The following BCOR variants were observed in gnomAD, a reference collection of about 807,000 sequenced individuals.
BCOR encodes the protein BCL6 corepressor.
In BCOR, 10 loss-of-function variants were observed where a neutral mutation model predicts 86.7. The observed-to-expected ratio is 0.12, with a 90% CI of 0.07 to 0.20. The LOEUF (loss-of-function observed/expected upper bound fraction) is 0.20, where lower values mean the gene tolerates loss of function less well. Among genes scored for constraint, BCOR ranks in the 10% least tolerant of loss-of-function variants. The pLI, the probability that BCOR is intolerant of heterozygous loss-of-function variation, is 1.00. For synonymous variants in BCOR, 611 were observed against 609.0 expected (o/e 1.00, Z -0.05); for missense variants, 1,259 against 1,452.1 (o/e 0.87, Z 2.16).
At chrX:40,109,864 G>A (rs1203725742) in intron 1 of BCOR, among the ~76,000 whole-genome samples, 1 of 112,007 alleles carries the variant, frequency 8.9e-6, no homozygotes, top group East Asian at 2.9e-4. Flanking sequence ...GCAGAAGGAG[G>A]GGGAGAGGGG....
intron 6 of BCOR, among the ~76,000 whole-genome samples, chrX:40,067,209 G>A (rs1051807653): frequency 1.8e-5 from 2 of 112,054 alleles, no homozygotes; most frequent in African/African-American, 6.5e-5. Context: ...TAGAAGACTT[G>A]TAATCACTTA....
chrX:40,123,037 G>A (rs994328475), intron 1 of BCOR, among the ~76,000 whole-genome samples: 3 of 111,331 alleles, frequency 2.7e-5, no homozygotes, highest in East Asian at 2.8e-4. Flanking sequence ...GGGGCAGCTC[G>A]GAGGCCTGGG....
At chrX:40,063,096 T>TGGGGGGG in intron 8 of BCOR, 25 bp from the exon 9 acceptor site, 2 of 496,336 alleles carry the variant, frequency 4.0e-6, no homozygotes, top group Non-Finnish European at 5.2e-6. Flanking sequence ...GGTGACGGGG[T>TGGGGGGG]GGCGGGCGGA....
At chrX:40,079,754 G>A (rs975881839) in intron 1 of BCOR, among the ~76,000 whole-genome samples, 3 of 111,274 alleles carry the variant, frequency 2.7e-5, no homozygotes, top group African/African-American at 9.9e-5. Context: ...ATAAGGGTTC[G>A]TGGGCTTTTC....
At chrX:40,173,067 G>C (rs1441576200) in intron 1 of BCOR, among the ~76,000 whole-genome samples, 1 of 112,172 alleles carries the variant, frequency 8.9e-6, no homozygotes. Context: ...CCAAATGTTG[G>C]GCCTTCTAGT....
chrX:40,159,955 C>T (rs903232424), intron 1 of BCOR, among the ~76,000 whole-genome samples: 5 of 112,252 alleles, frequency 4.5e-5, no homozygotes, highest in Non-Finnish European at 9.4e-5. Flanking sequence ...GCTCATTTGG[C>T]TCAGCAATGA....
chrX:40,107,786 C>T (rs1434328906), intron 1 of BCOR, among the ~76,000 whole-genome samples: 2 of 113,320 alleles, frequency 1.8e-5, no homozygotes, highest in Non-Finnish European at 3.8e-5. Flanking sequence ...AGCCCCCTGG[C>T]TGGGGTGGCG....
intron 1 of BCOR, among the ~76,000 whole-genome samples, chrX:40,115,274 A>G (rs1233189561): frequency 3.6e-5 from 4 of 111,454 alleles, no homozygotes; most frequent in Non-Finnish European, 7.5e-5. Flanking sequence ...ACCTTTAACT[A>G]TTTCTGGGAC....
intron 1 of BCOR, among the ~76,000 whole-genome samples, chrX:40,107,093 G>A (rs1168538978): frequency 8.9e-6 from 1 of 112,605 alleles, no homozygotes; most frequent in Non-Finnish European, 1.9e-5. Flanking sequence ...CGGTGAAGAA[G>A]GGGAGGGAAG....
chrX:40,078,146 C>T (rs1027764641), intron 1 of BCOR, among the ~76,000 whole-genome samples, 177 bp from the exon 2 acceptor site: 1 of 112,672 alleles, frequency 8.9e-6, no homozygotes, highest in East Asian at 2.8e-4. Context: ...GAAGGGACAG[C>T]GGAGGGGCAT....
chrX:40,064,686 G>A (rs1422469719), intron 6 of BCOR, 87 bp from the exon 7 acceptor site: 2 of 1,049,770 alleles, frequency 1.9e-6, no homozygotes, highest in East Asian at 3.0e-5. Flanking sequence ...GGACCACCAT[G>A]CCCAAGGTAA....
intron 1 of BCOR, among the ~76,000 whole-genome samples, chrX:40,144,156 G>A (rs1339686276): frequency 9.0e-6 from 1 of 111,552 alleles, no homozygotes; most frequent in South Asian, 3.7e-4. Context: ...GATAAATCCA[G>A]GCTAATGGAA....
chrX:40,113,924 T>C (rs1021635686), intron 1 of BCOR, among the ~76,000 whole-genome samples: 2 of 110,463 alleles, frequency 1.8e-5, no homozygotes, highest in Admixed American at 1.9e-4. Flanking sequence ...GTTCAAGTGA[T>C]TCTGCTGCCT....
intron 1 of BCOR, among the ~76,000 whole-genome samples, chrX:40,095,486 C>T (rs1475793551): frequency 9.1e-6 from 1 of 110,304 alleles, no homozygotes; most frequent in Non-Finnish European, 1.9e-5. Context: ...CCATTTCCTC[C>T]TAGTCTTTAC....
At chrX:40,129,890 A>G (rs1937585349) in intron 1 of BCOR, among the ~76,000 whole-genome samples, 2 of 110,575 alleles carry the variant, frequency 1.8e-5, no homozygotes, top group South Asian at 7.7e-4. Context: ...AAAATACAAA[A>G]ATTAGCTGGG....
At position 40,051,289 on chromosome X, in the gene BCOR, A is replaced by C; in HGVS notation, c.*820T>G. Reference sequence around the variant, plus strand: ...TCAACAGTTTTATTGCCTTTTAAGAAAATTTTTGTAAAATATAAATACAAA... The same window carrying C: ...TCAACAGTTTTATTGCCTTTTAAGACAATTTTTGTAAAATATAAATACAAA... On this transcript the variant is annotated 3_prime_UTR_variant, in exon 15 of 15. Transcript: ENST00000378444. The C allele has an allele frequency of 6.0e-6, 1 of 167,841 alleles. No homozygotes were observed. The allele number at this position is 167,841 out of a possible 1,213,427, so 13.8% of individuals were successfully genotyped here.
At chrX:40,129,582 A>C (rs1274611051) in intron 1 of BCOR, among the ~76,000 whole-genome samples, 1 of 110,854 alleles carries the variant, frequency 9.0e-6, no homozygotes, top group Admixed American at 9.7e-5. Flanking sequence ...TAGAAGGAAG[A>C]ACTGTGGGCA....
chrX:40,156,996 C>G (rs1409434129), intron 1 of BCOR, among the ~76,000 whole-genome samples: 1 of 113,579 alleles, frequency 8.8e-6, no homozygotes, highest in Admixed American at 9.2e-5. Context: ...CCCGAGCTAA[C>G]GCTAGGAGAG....
At chrX:40,164,763 T>A (rs1256761388) in intron 1 of BCOR, among the ~76,000 whole-genome samples, 2 of 112,418 alleles carry the variant, frequency 1.8e-5, no homozygotes, top group East Asian at 5.5e-4. Flanking sequence ...GGATGAATTA[T>A]GCAAGAAGTG....
Sources: allele counts gnomAD v4.1 joint callset (sites outside exome capture counted in the v4.1 genomes callset), GRCh38; gene constraint gnomAD v4.1.1; transcripts MANE v1.5; gene names NCBI Gene and HGNC (gene_info 2026-07-23, HGNC 2026-07-21).